Variants in BBS1 observed in about 807,000 individuals in gnomAD.
BBS1 encodes the protein Bardet-Biedl syndrome 1, also known as BBSome complex member BBS1.
In BBS1, 60 loss-of-function variants were observed where a neutral mutation model predicts 73.9. The observed-to-expected ratio is 0.81, with a 90% CI of 0.66 to 1.01. The LOEUF is 1.01. BBS1 is among the 50% of genes least tolerant of loss of function. The probability of loss-of-function intolerance (pLI) is 0.00; values close to 1 mark genes in which losing one functional copy is unlikely to be tolerated. For synonymous variants in BBS1, 283 were observed against 317.4 expected (o/e 0.89, Z 1.15); for missense variants, 718 against 770.3 (o/e 0.93, Z 0.80).
At chr11:66,523,662 A>G in intron 10 of BBS1, 62 bp from the exon 11 acceptor site, 1 of 1,610,674 alleles carries the variant, frequency 6.2e-7, no homozygotes. Flanking sequence ...TCCCCACCCC[A>G]GAAACCGTTC....
At chr11:66,523,965 C>T in intron 11 of BBS1, 83 bp downstream of exon 11, 1 of 1,571,974 alleles carries the variant, frequency 6.4e-7, no homozygotes, top group South Asian at 1.1e-5. Context: ...CTCTTCCGAC[C>T]ACACATTGAT....
chr11:66,529,930 A>G lies in BBS1; in HGVS notation c.1451A>G (p.Glu484Gly). 1 of 1,604,506 alleles carries G rather than the reference A, an allele frequency of 6.2e-7. No individual in the cohort carries two copies. Among genetic ancestry groups the G allele is most frequent in the South Asian group, 1.1e-5 (1 of 90,922 alleles). ...SLSPLSTTAR[E>G]PLKLHAVVQG... The stretch of plus-strand genomic sequence containing the variant: ...AGCCCCCTGTCCACGACAGCCCGAG[A>G]GCCACTCAAGCTGCACGCCGTGGTG... Residue 484 changes from glutamate to glycine, a missense_variant, in exon 14 of 17, where the codon GAG becomes GGG. Physicochemically the swap from Glu to Gly is moderately conservative, Grantham distance 98. Coordinates refer to ENST00000318312, the MANE Select transcript of BBS1 (RefSeq NM_024649.5).
rs1856763511 is a variant in BBS1 at position 66,531,125 on chromosome 11, T to C, written c.1608+97T>C. On this transcript the variant is annotated intron_variant, in intron 15 of 16. Transcript: ENST00000318312. ...GCCCCGCCAGGTCAGGGTCAGAGCG[T>C]GCGGGTGGCTGCCAGGTGGCCAGCA... 2.6e-6 allele frequency: 4 copies of C among 1,514,406 alleles called. No individual in the cohort carries two copies. The African/African-American group carries it at 5.5e-5, about 21-fold the overall frequency. 93.8% of individuals were successfully genotyped at this position (1,514,406 alleles called of 1,614,324 possible). A position where few individuals can be genotyped will look rare whatever the true frequency, so the allele number is the denominator to read the frequency against.
At chr11:66,529,579 G>A (rs1856674890) in intron 13 of BBS1, 5 of 692,026 alleles carry the variant, frequency 7.2e-6, no homozygotes, top group Admixed American at 6.2e-5. Context: ...AGCCAGTGAA[G>A]GAGCTAGATA....
chr11:66,516,037 C>A, intron 7 of BBS1, 104 bp downstream of exon 7: 1 of 1,114,518 alleles, frequency 9.0e-7, no homozygotes, highest in Non-Finnish European at 1.3e-6. Context: ...CAACCAGTAT[C>A]TCTTTGCTAT....
At chr11:66,512,887 G>T (rs1855980986) in intron 3 of BBS1, among the ~76,000 whole-genome samples, 1 of 152,018 alleles carries the variant, frequency 6.6e-6, no homozygotes, top group South Asian at 2.1e-4. Context: ...CAGGAGAATG[G>T]CTTGAAACCA....
At chr11:66,525,777 A>C (rs1431155939) in intron 11 of BBS1, among the ~76,000 whole-genome samples, 1 of 152,190 alleles carries the variant, frequency 6.6e-6, no homozygotes, top group Non-Finnish European at 1.5e-5. Flanking sequence ...AGAGAACAAA[A>C]GCCATTGGAG....
chr11:66,517,790 A>C (rs1856084071), intron 7 of BBS1, among the ~76,000 whole-genome samples: 1 of 151,430 alleles, frequency 6.6e-6, no homozygotes, highest in South Asian at 2.1e-4. Flanking sequence ...TTTTTTTAAG[A>C]GATGGGGTCT....
intron 11 of BBS1, among the ~76,000 whole-genome samples, chr11:66,525,322 G>A (rs1856441187): frequency 6.6e-6 from 1 of 152,234 alleles, no homozygotes; most frequent in Admixed American, 6.5e-5. Context: ...TCGCGCCACT[G>A]CACTCCAGCC....
chr11:66,521,310 G>C lies in BBS1; in HGVS notation c.764G>C (p.Gly255Ala), dbSNP rs779666210. The change falls in exon 9 of 17, where the codon GGC becomes GCC. Residue 255 changes from glycine to alanine, a missense_variant. Gly to Ala is a moderately conservative substitution (Grantham distance 60). Transcript: ENST00000318312. The stretch of plus-strand genomic sequence containing the variant: ...GTCCCCGTCTTCCTAGAGGTTTCTG[G>C]CCAGTTTGATGTTGAGTTCCGGCTT... ...PSVPVFLEVSGQFDVEFRLAA... is the reference protein window; with the variant it reads ...PSVPVFLEVSAQFDVEFRLAA... 6.2e-6 allele frequency: 10 copies of C among 1,614,226 alleles called. No homozygotes were observed. In the East Asian group the frequency reaches 2.2e-4, roughly 36 times the overall value.
rs749879220 is a variant in BBS1, at chr11:66,521,253, G to C, written c.724-17G>C. 3 of 1,602,772 alleles carry C rather than the reference G, an allele frequency of 1.9e-6. No individual in the cohort carries two copies. The East Asian group carries it at 6.7e-5, about 36-fold the overall frequency. ...GGGCTCCAGAGAAATTGGAGTGTTT[G>C]CGCTTCTTGTTTGCAGATGAGCCTT... On this transcript the variant is annotated splice_polypyrimidine_tract_variant and intron_variant, in intron 8 of 16. Transcript: ENST00000318312.
In BBS1 at chr11:66,512,002, A is replaced by AT. The variant is rs1443367661; in HGVS notation, c.159+763_159+764insT. Among the ~76,000 whole-genome samples, 138 of 144,366 alleles carry AT rather than the reference A, an allele frequency of 9.6e-4. 1 individual carries two copies. Among genetic ancestry groups the AT allele is most frequent in the Admixed American group, 1.3e-3 (19 of 14,490 alleles). The allele number at this position is 144,366 out of a possible 152,430, so 94.7% of individuals were successfully genotyped here. ...GACAGAGTGAGACAGTTTCAAAAAA[A>AT]AATATATATATATATATGTGTATAT... On this transcript the variant is annotated intron_variant, in intron 3 of 16. Coordinates refer to ENST00000318312, the MANE Select transcript of BBS1 (RefSeq NM_024649.5).
chr11:66,531,998 C>T lies in BBS1; in HGVS notation c.1743C>T (p.His581=), dbSNP rs61890368. 49 of 1,607,960 alleles carry T rather than the reference C, an allele frequency of 3.0e-5. No homozygotes were observed. Among genetic ancestry groups the T allele is most frequent in the Middle Eastern group, 2.0e-4 (1 of 5,116 alleles). The stretch of plus-strand genomic sequence containing the variant: ...AAAGTGCACCCCTGCTGAGTGCCCA[C>T]GTCAACATGCCTGGGAGCGAGGGGC... ...EGQSAPLLSA[H]VNMPGSEGLA... The change falls in exon 17 of 17, where the codon CAC becomes CAT. Residue 581 remains histidine, a synonymous_variant. Coordinates refer to ENST00000318312, the MANE Select transcript of BBS1 (RefSeq NM_024649.5).
rs1262349358 is a variant in BBS1, at chr11:66,515,559, C to T, written c.452C>T (p.Thr151Ile). 1 of 1,614,184 alleles carries T rather than the reference C, an allele frequency of 6.2e-7. No homozygotes were observed. The highest frequency in any genetic ancestry group is 8.5e-7 in the Non-Finnish European group (1 of 1,180,028). ...QAKEDRIDPLTLKEMLESIRE... is the reference protein window; with the variant it reads ...QAKEDRIDPLILKEMLESIRE... ...TCACAGGACCGAATCGACCCCTTAA[C>T]CCTGAAGGAGATGCTGGAGAGCATC... Residue 151 changes from threonine to isoleucine, a missense_variant, in exon 5 of 17, where the codon ACC becomes ATC. Transcript: ENST00000318312.
chr11:66,525,858 T>G lies in BBS1; in HGVS notation c.1111-265T>G, dbSNP rs910312633. Among the ~76,000 whole-genome samples, 13 of 152,132 alleles carry G rather than the reference T, an allele frequency of 8.5e-5. 2 individuals carry two copies. Among genetic ancestry groups the G allele is most frequent in the Admixed American group, 7.9e-4 (12 of 15,272 alleles). On this transcript the variant is annotated intron_variant, in intron 11 of 16. Transcript: ENST00000318312. ...AAAGGCAGCATTGTGAAGGGCAGAC[T>G]GGGGAGAAAGACCCGAAAGACGAGT...
At chr11:66,529,985 A>G (rs1370772116) in intron 14 of BBS1, 33 bp downstream of exon 14, 2 of 1,581,594 alleles carry the variant, frequency 1.3e-6, no homozygotes, top group Non-Finnish European at 1.7e-6. Context: ...AGTCAGGGCC[A>G]GAGGGGCAGA....
intron 9 of BBS1, among the ~76,000 whole-genome samples, chr11:66,522,629 A>G (rs1330497417): frequency 5.3e-5 from 8 of 152,196 alleles, no homozygotes. Context: ...TACAGTCATA[A>G]GCCACCACAC....
At chr11:66,526,576 T>C in intron 12 of BBS1, 73 bp from the exon 13 acceptor site, 2 of 1,595,534 alleles carry the variant, frequency 1.3e-6, no homozygotes, top group Non-Finnish European at 1.7e-6. Flanking sequence ...AGGCAGATTG[T>C]TTGGGGAAGA....
intron 4 of BBS1, among the ~76,000 whole-genome samples, chr11:66,515,099 T>C (rs1486442379): frequency 6.6e-6 from 1 of 152,108 alleles, no homozygotes; most frequent in South Asian, 2.1e-4. Flanking sequence ...ATTACAGGCA[T>C]GAACCACCGT....
Sources: gnomAD v4.1 joint callset for allele counts (sites outside exome capture counted in the v4.1 genomes callset) on GRCh38, gnomAD v4.1.1 for gene constraint, MANE v1.5 for transcripts, NCBI Gene and HGNC (gene_info 2026-07-23, HGNC 2026-07-21) for gene names.